The following CD163L1 variants were observed in gnomAD, a reference collection of about 807,000 sequenced individuals.
CD163L1 encodes scavenger receptor cysteine-rich type 1 protein M160.
CD163L1 carries 124 observed loss-of-function variants against 165.4 expected under a neutral mutation model. The observed-to-expected ratio is 0.75, with a 90% CI of 0.65 to 0.87. The LOEUF (loss-of-function observed/expected upper bound fraction) is 0.87, where lower values mean the gene tolerates loss of function less well. CD163L1 is among the 40% of genes least tolerant of loss of function. The pLI, the probability that CD163L1 is intolerant of heterozygous loss-of-function variation, is 0.00. For missense variants in CD163L1, 1,525 were observed against 1,799.9 expected (o/e 0.85, Z 2.76); for synonymous variants, 585 against 662.2 (o/e 0.88, Z 1.79).
chr12:7,359,614 T>A (rs1270720775), intron 18 of CD163L1, among the ~76,000 whole-genome samples: 10 of 152,106 alleles, frequency 6.6e-5, no homozygotes, highest in Non-Finnish European at 1.5e-4. Flanking sequence ...ATACAAGAAA[T>A]TCTTCAGAAA....
chr12:7,337,260 C>A, the CD163L1 span, among the ~76,000 whole-genome samples: 1 of 152,078 alleles, frequency 6.6e-6, no homozygotes, highest in Admixed American at 6.6e-5. Flanking sequence ...TAAGCACGGG[C>A]AAAGACTTCA....
intron 18 of CD163L1, among the ~76,000 whole-genome samples, chr12:7,365,315 A>G (rs1946990549): frequency 6.6e-6 from 1 of 152,166 alleles, no homozygotes; most frequent in African/African-American, 2.4e-5. Context: ...TGAAACAATT[A>G]GAAGAAAACA....
chr12:7,371,096 T>A (rs759074067), intron 14 of CD163L1, among the ~76,000 whole-genome samples: 1 of 152,194 alleles, frequency 6.6e-6, no homozygotes, highest in Non-Finnish European at 1.5e-5. Context: ...CCTGCCACCA[T>A]GTAAGACGTG....
chr12:7,411,786 T>A (rs1382372490), intron 4 of CD163L1, among the ~76,000 whole-genome samples: 1 of 152,236 alleles, frequency 6.6e-6, no homozygotes, highest in Non-Finnish European at 1.5e-5. Context: ...AGTGTTTGCA[T>A]ACCCATAGAG....
rs1232156378 is a variant in CD163L1 at position 7,403,712 on chromosome 12, C to G, written c.1231G>C (p.Gly411Arg). 2 of 1,613,942 alleles carry G rather than the reference C, an allele frequency of 1.2e-6. No individual in the cohort carries two copies. Among genetic ancestry groups the G allele is most frequent in the Non-Finnish European group, 1.7e-6 (2 of 1,179,950 alleles). Residue 411 changes from glycine (G) to arginine (R), a missense_variant, in exon 6 of 20, where the codon GGA becomes CGA. By Grantham distance (125) the Gly-to-Arg change is moderately radical. Transcript: ENST00000313599. The stretch of plus-strand genomic sequence containing the variant: ...CTGCCAAAGACGCTGAACGGACATC[C>G]TAGCTGCTTACAAACCACAAGGGCT... ...EQALVVCKQL[G>R]CPFSVFGSRR... is the part of the protein sequence containing the mutation.
At chr12:7,386,089 AAAG>A (rs1947509711) in intron 8 of CD163L1, among the ~76,000 whole-genome samples, 1 of 151,220 alleles carries the variant, frequency 6.6e-6, no homozygotes, top group Non-Finnish European at 1.5e-5. Context: ...ACTTTTGCTA[AAAG>A]AAGAGTGAAG....
Position 7,368,756 on chromosome 12 carries a change from GAGA to G in CD163L1, c.4072+174_4072+176del. On this transcript the variant is annotated intron_variant, in intron 16 of 19. Transcript: ENST00000313599. The surrounding 1 kb of genome is among the most constrained non-coding windows in gnomAD (Gnocchi z 4.3). The stretch of plus-strand genomic sequence containing the variant: ...TGCATGTAAAAAGGATTTTTCTAGA[GAGA>G]AGGACTGCATAGCAAAGCAGTCACA... 1 of 651,008 alleles carries G rather than the reference GAGA, an allele frequency of 1.5e-6. No homozygotes were observed. The highest frequency in any genetic ancestry group is 2.7e-6 in the Non-Finnish European group (1 of 366,796). The allele number at this position is 651,008 out of a possible 1,614,324, so 40.3% of individuals were successfully genotyped here.
Position 7,369,251 on chromosome 12 carries a change from C to A in CD163L1, c.4039+106G>T. 8.0e-7 allele frequency: 1 copy of A among 1,242,266 alleles called. No homozygotes were observed. The highest frequency in any genetic ancestry group is 1.1e-6 in the Non-Finnish European group (1 of 885,454). 77.0% of individuals were successfully genotyped at this position (1,242,266 alleles called of 1,614,324 possible). ...TTTAACATAGCCTTTCATTCTTCAACAAGAAATCCTAGTATCTTCAGCTCA... is the reference window on the plus strand; with the variant it reads ...TTTAACATAGCCTTTCATTCTTCAAAAAGAAATCCTAGTATCTTCAGCTCA... On this transcript the variant is annotated intron_variant, in intron 15 of 19. Coordinates refer to ENST00000313599, the MANE Select transcript of CD163L1 (RefSeq NM_174941.6). This position sits in a 1 kb window ranked among gnomAD's most constrained non-coding sequence, Gnocchi z 4.9.
chr12:7,398,605 C>T lies in CD163L1; in HGVS notation c.1409-21G>A. On this transcript the variant is annotated intron_variant, in intron 6 of 19. Coordinates refer to ENST00000313599, the MANE Select transcript of CD163L1 (RefSeq NM_174941.6). The surrounding 1 kb of genome is among the most constrained non-coding windows in gnomAD (Gnocchi z 4.5). ...CTTATCTGCAAGCAAGACAAAACCA[C>T]ATATTTGAGATCAAATGAGAGAGTC... The T allele has an allele frequency of 6.6e-7, 1 of 1,525,928 alleles. No homozygotes were observed. Among genetic ancestry groups the T allele is most frequent in the South Asian group, 1.3e-5 (1 of 75,366 alleles). The allele number at this position is 1,525,928 out of a possible 1,614,324, so 94.5% of individuals were successfully genotyped here. A position where few individuals can be genotyped will look rare whatever the true frequency, so the allele number is the denominator to read the frequency against.
At chr12:7,421,440 C>CATATACATATATGTACATATATACATAT (rs1591954183) in intron 4 of CD163L1, among the ~76,000 whole-genome samples, 4 of 88,158 alleles carry the variant, frequency 4.5e-5, no homozygotes, top group East Asian at 5.3e-4. Context: ...TACATATATA[C>CATATACATATATGTACATATATACATAT]ATATACATAT....
At chr12:7,440,040 G>A (rs997739383) in intron 2 of CD163L1, 7 of 1,259,338 alleles carry the variant, frequency 5.6e-6, no homozygotes, top group Middle Eastern at 5.1e-4. Context: ...ACACACCCCA[G>A]CAGCTCCTCG....
the CD163L1 span, among the ~76,000 whole-genome samples, chr12:7,333,748 C>T: frequency 6.6e-6 from 1 of 152,040 alleles, no homozygotes; most frequent in Non-Finnish European, 1.5e-5. Context: ...ACTAGCAAGA[C>T]TAATAAAGAA....
intron 8 of CD163L1, among the ~76,000 whole-genome samples, chr12:7,382,274 G>T (rs572855113): frequency 6.6e-6 from 1 of 152,014 alleles, no homozygotes; most frequent in Non-Finnish European, 1.5e-5. Context: ...TGATTATGGA[G>T]AGAAGAACTT....
Position 7,398,223 on chromosome 12 carries a change from AT to A in CD163L1, c.1729+40del, listed in dbSNP as rs756257711. On this transcript the variant is annotated intron_variant, in intron 7 of 19. Transcript: ENST00000313599. This position sits in a 1 kb window ranked among gnomAD's most constrained non-coding sequence, Gnocchi z 4.5. Reference sequence around the variant, plus strand: ...AGAAGCCCTTCCTATGAGGAATACTATTTCTCTTATCAGGAAATAATAAACA... The same window carrying A: ...AGAAGCCCTTCCTATGAGGAATACTATTCTCTTATCAGGAAATAATAAACA... 1.9e-6 allele frequency: 3 copies of A among 1,564,728 alleles called. No homozygotes were observed. Among genetic ancestry groups the A allele is most frequent in the Non-Finnish European group, 2.6e-6 (3 of 1,149,746 alleles).
rs1491137802 is a variant in CD163L1, at chr12:7,368,528, T to TC, written c.4073-332dup. Among the ~76,000 whole-genome samples the TC allele has an allele frequency of 1.4e-5, 2 of 146,730 alleles. No individual in the cohort carries two copies. Among genetic ancestry groups the TC allele is most frequent in the African/African-American group, 5.1e-5 (2 of 38,900 alleles). The stretch of plus-strand genomic sequence containing the variant: ...TAGGGCTTGAGCTGAGCTGTTTCTT[T>TC]CTTTTTTTTTTTTTTTTGAGATGGA... On this transcript the variant is annotated intron_variant, in intron 16 of 19. Coordinates refer to ENST00000313599, the MANE Select transcript of CD163L1 (RefSeq NM_174941.6). This position sits in a 1 kb window ranked among gnomAD's most constrained non-coding sequence, Gnocchi z 4.3.
chr12:7,405,470 C>G (rs1028744887), intron 5 of CD163L1, among the ~76,000 whole-genome samples: 1 of 152,016 alleles, frequency 6.6e-6, no homozygotes, highest in Admixed American at 6.6e-5. Context: ...TGCAAGCAAA[C>G]TAGTATAAAC....
At position 7,406,707 on chromosome 12, in the gene CD163L1, T is replaced by A; in HGVS notation, c.912A>T (p.Gly304=). The stretch of plus-strand genomic sequence containing the variant: ...CAGCGAAGTGAAGTGCGGTTCCACA[T>A]CCCAACTGCTTGCATACGACATCAG... ...AAADVVCKQL[G]CGTALHFAGL... is the part of the protein sequence containing the mutation. The change falls in exon 5 of 20, where the codon GGA becomes GGT. Residue 304 remains glycine (G), a synonymous_variant. Coordinates refer to ENST00000313599, the MANE Select transcript of CD163L1 (RefSeq NM_174941.6). 6.2e-7 allele frequency: 1 copy of A among 1,614,042 alleles called. No individual in the cohort carries two copies. Among genetic ancestry groups the A allele is most frequent in the Middle Eastern group, 1.7e-4 (1 of 6,060 alleles).
intron 4 of CD163L1, among the ~76,000 whole-genome samples, chr12:7,409,129 G>C (rs1163877229): frequency 6.6e-6 from 1 of 152,142 alleles, no homozygotes; most frequent in Non-Finnish European, 1.5e-5. Context: ...TATTTTAAAA[G>C]AGACAGTCAA....
Position 7,406,685 on chromosome 12 carries a change from C to T in CD163L1, c.934G>A (p.Ala312Thr), listed in dbSNP as rs147468320. 7 of 1,613,946 alleles carry T rather than the reference C, an allele frequency of 4.3e-6. No homozygotes were observed. The highest frequency in any genetic ancestry group is 2.2e-5 in the East Asian group (1 of 44,882). ...QLGCGTALHF[A>T]GLPHLQSGSD... ...CCTGACTGCAAATGAGGCAAGCCAG[C>T]GAAGTGAAGTGCGGTTCCACATCCC... Residue 312 changes from alanine to threonine, a missense_variant, in exon 5 of 20, where the codon GCT becomes ACT. Physicochemically the swap from Ala to Thr is moderately conservative, Grantham distance 58. Transcript: ENST00000313599.
Sources: gnomAD v4.1 joint callset for allele counts (sites outside exome capture counted in the v4.1 genomes callset) on GRCh38, gnomAD v4.1.1 for gene constraint, Gnocchi (gnomAD v3.1) non-coding constraint, MANE v1.5 for transcripts, NCBI Gene and HGNC (gene_info 2026-07-23, HGNC 2026-07-21) for gene names.